The following GMNN variants were observed in gnomAD, a reference collection of about 807,000 sequenced individuals.
The protein encoded by GMNN is geminin DNA replication inhibitor, also known as geminin.
A neutral mutation model predicts 20.9 loss-of-function variants in GMNN; 14 were observed. The observed-to-expected ratio is 0.67, with a 90% CI of 0.44 to 1.05. GMNN has a LOEUF of 1.05. Ranked by LOEUF, GMNN falls within the 50% of genes least tolerant of loss-of-function variation. GMNN has a pLI of 0.00. For missense variants in GMNN, 227 were observed against 243.8 expected (o/e 0.93, Z 0.46); for synonymous variants, 81 against 85.8 (o/e 0.94, Z 0.31).
chr6:24,777,932 A>G (rs1780115454), intron 2 of GMNN, among the ~76,000 whole-genome samples: 1 of 152,198 alleles, frequency 6.6e-6, no homozygotes, highest in Admixed American at 6.5e-5. Context: ...ACATTTTTCT[A>G]GAGTATACCA....
intron 4 of GMNN, 147 bp from the exon 5 acceptor site, chr6:24,783,940 A>G: frequency 2.4e-6 from 1 of 421,322 alleles, no homozygotes; most frequent in Non-Finnish European, 4.4e-6. Flanking sequence ...AAATAGAATA[A>G]TATTGATTTT....
intron 4 of GMNN, among the ~76,000 whole-genome samples, chr6:24,783,576 G>A (rs1212642023): frequency 6.6e-6 from 1 of 152,082 alleles, no homozygotes; most frequent in Non-Finnish European, 1.5e-5. Context: ...CTGATAGATA[G>A]CATCTTAATC....
At chr6:24,781,819 G>A (rs1319619377) in intron 4 of GMNN, among the ~76,000 whole-genome samples, 198 bp downstream of exon 4, 1 of 152,170 alleles carries the variant, frequency 6.6e-6, no homozygotes, top group African/African-American at 2.4e-5. Context: ...CCAGTGCAGT[G>A]GCTCACACCT....
chr6:24,780,776 T>C (rs1465783512), intron 3 of GMNN, 36 bp downstream of exon 3: 2 of 920,522 alleles, frequency 2.2e-6, no homozygotes, highest in South Asian at 2.7e-5. Context: ...GTACTGGTGA[T>C]ACAGTGTCTA....
chr6:24,775,874 G>C (rs2113568468), intron 1 of GMNN: 1 of 152,274 alleles, frequency 6.6e-6, no homozygotes, highest in South Asian at 2.1e-4. Flanking sequence ...CAAATGAGAC[G>C]TGATGGAAGC....
intron 1 of GMNN, 92 bp from the exon 2 acceptor site, chr6:24,777,130 A>G: frequency 2.2e-6 from 1 of 453,138 alleles, no homozygotes; most frequent in Non-Finnish European, 4.0e-6. Flanking sequence ...TAATAGTTCT[A>G]CTGTACAATA....
At position 24,781,011 on chromosome 6, in the gene GMNN, G is replaced by C. The variant is rs9467311; in HGVS notation, c.129+271G>C. ...AGGTCAGGAGCTTGAGACAAGCCTG[G>C]CCAACGTGGTGAAACCCCATCTCTA... On this transcript the variant is annotated intron_variant, in intron 3 of 6. Coordinates refer to ENST00000230056, the MANE Select transcript of GMNN (RefSeq NM_015895.5). Among the ~76,000 whole-genome samples the C allele has an allele frequency of 0.072, 10,901 of 152,064 alleles. 1,151 individuals carry two copies. Among genetic ancestry groups the C allele is most frequent in the African/African-American group, 0.22 (9,264 of 41,426 alleles).
chr6:24,779,417 A>T (rs1473659981), intron 2 of GMNN, among the ~76,000 whole-genome samples: 2 of 152,154 alleles, frequency 1.3e-5, no homozygotes. Context: ...AACAGAAAGC[A>T]TTTAAATAAC....
chr6:24,784,307 A>G (rs765417389), intron 5 of GMNN, 137 bp from the exon 6 acceptor site: 27 of 683,160 alleles, frequency 4.0e-5, no homozygotes, highest in East Asian at 1.3e-4. Flanking sequence ...GCTCTTGACA[A>G]TTATACAAAA....
Position 24,784,183 on chromosome 6 carries a change from A to G in GMNN, c.357+14A>G. 7.8e-7 allele frequency: 1 copy of G among 1,289,856 alleles called. No individual in the cohort carries two copies. The highest frequency in any genetic ancestry group is 1.1e-6 in the Non-Finnish European group (1 of 891,834). The allele number at this position is 1,289,856 out of a possible 1,614,324, so 79.9% of individuals were successfully genotyped here. On this transcript the variant is annotated intron_variant, in intron 5 of 6. Transcript: ENST00000230056. ...GAAAATGAGAAAGTATGTATTGAGTATAATTTGTACCATTTTTAAAAATTC... is the reference window on the plus strand; with the variant it reads ...GAAAATGAGAAAGTATGTATTGAGTGTAATTTGTACCATTTTTAAAAATTC...
At chr6:24,777,551 CTATT>C (rs1380113729) in intron 2 of GMNN, 1 of 249,974 alleles carries the variant, frequency 4.0e-6, no homozygotes, top group Non-Finnish European at 7.5e-6. Flanking sequence ...GAATTTTACA[CTATT>C]TATGTTAAAT....
intron 1 of GMNN, chr6:24,775,857 A>G (rs765269503): frequency 6.6e-6 from 1 of 152,190 alleles, no homozygotes; most frequent in Admixed American, 6.5e-5. Flanking sequence ...GGACACAGCT[A>G]TCTAACCAAA....
At chr6:24,775,439 C>T (rs1330422257) in intron 1 of GMNN, 195 bp downstream of exon 1, 3 of 152,270 alleles carry the variant, frequency 2.0e-5, no homozygotes, top group African/African-American at 4.8e-5. Flanking sequence ...CTGCCCGCCC[C>T]CTAGCCTGGC....
In GMNN at chr6:24,781,461, A is replaced by G; in HGVS notation, c.130-16A>G. On this transcript the variant is annotated splice_polypyrimidine_tract_variant and intron_variant, in intron 3 of 6. Transcript: ENST00000230056. ...TAAATCAAAGTAAATACAGTTGATA[A>G]GTGTTTTCATTATAGCTGTCCGCAG... 6.5e-7 allele frequency: 1 copy of G among 1,547,566 alleles called. No homozygotes were observed. Among genetic ancestry groups the G allele is most frequent in the African/African-American group, 1.4e-5 (1 of 72,592 alleles).
intron 1 of GMNN, chr6:24,776,783 G>C (rs1338034450): frequency 6.6e-6 from 1 of 152,426 alleles, no homozygotes; most frequent in African/African-American, 2.4e-5. Context: ...GATCTCATTT[G>C]ACCAGATATT....
At chr6:24,785,544 A>T (rs1341666313) in intron 6 of GMNN, 94 bp from the exon 7 acceptor site, 1 of 562,734 alleles carries the variant, frequency 1.8e-6, no homozygotes, top group Non-Finnish European at 3.1e-6. Flanking sequence ...TCTCATAGCT[A>T]TATCAGTATG....
intron 2 of GMNN, among the ~76,000 whole-genome samples, chr6:24,780,002 T>C (rs894130483): frequency 6.6e-6 from 1 of 152,202 alleles, no homozygotes; most frequent in South Asian, 2.1e-4. Context: ...TCTGGAAAGT[T>C]ACATTCTTTT....
chr6:24,777,647 A>G (rs1780109230), intron 2 of GMNN: 1 of 156,944 alleles, frequency 6.4e-6, no homozygotes, highest in African/African-American at 2.4e-5. Context: ...TTGCTACTGT[A>G]TAGGAAAATA....
intron 4 of GMNN, among the ~76,000 whole-genome samples, chr6:24,782,369 A>T (rs979751777): frequency 7.9e-5 from 12 of 152,206 alleles, no homozygotes; most frequent in African/African-American, 2.9e-4. Flanking sequence ...AGAAGAAGCA[A>T]CTGATGTTTT....
Sources: gnomAD v4.1 joint callset for allele counts (sites outside exome capture counted in the v4.1 genomes callset) on GRCh38, gnomAD v4.1.1 for gene constraint, MANE v1.5 for transcripts, NCBI Gene and HGNC (gene_info 2026-07-23, HGNC 2026-07-21) for gene names.